TRMO: variants seen among roughly 807,000 people sequenced by gnomAD.
The protein encoded by TRMO is tRNA (adenine(37)-N6)-methyltransferase.
In TRMO, 30 loss-of-function variants were observed where a neutral mutation model predicts 37.2. That is an observed-to-expected ratio of 0.81 (90% CI 0.60 to 1.09). The LOEUF (loss-of-function observed/expected upper bound fraction) is 1.09. Among genes scored for constraint, TRMO ranks in the 50% least tolerant of loss-of-function variants. The pLI, the probability that TRMO is intolerant of heterozygous loss-of-function variation, is 0.00. For missense variants in TRMO, 552 were observed against 549.5 expected (o/e 1.00, Z -0.05); for synonymous variants, 239 against 199.4 (o/e 1.20, Z -1.67).
Position 97,904,742 on chromosome 9 carries a change from T to C in TRMO, c.1317A>G (p.Leu439=), listed in dbSNP as rs900870448. ...MTGPVGSLVS[L]GS ...ACATGAGGGAGGCTCCTTAAGACCC[T>C]AGAGACACCAAGGACCCCACAGGGC... Residue 439 remains leucine (L), a synonymous_variant, in exon 5 of 5, where the codon CTA becomes CTG. Transcript: ENST00000375119. 2 of 1,607,688 alleles carry C rather than the reference T, an allele frequency of 1.2e-6. No homozygotes were observed. Among genetic ancestry groups the C allele is most frequent in the African/African-American group, 1.3e-5 (1 of 74,808 alleles).
At chr9:97,904,012 G>A (rs937761859), downstream of TRMO, among the ~76,000 whole-genome samples, 1 of 152,108 alleles carries the variant, frequency 6.6e-6, no homozygotes, top group Non-Finnish European at 1.5e-5. Flanking sequence ...AACCTGGGAG[G>A]CAGAGATTGC....
At chr9:97,902,548 C>A (rs760950714), downstream of TRMO, among the ~76,000 whole-genome samples, 1 of 152,136 alleles carries the variant, frequency 6.6e-6, no homozygotes, top group Non-Finnish European at 1.5e-5. Flanking sequence ...ATGATCCACC[C>A]GCCTCCGCCT....
At position 97,913,535 on chromosome 9, in the gene TRMO, T is replaced by C. The variant is rs201918701; in HGVS notation, c.275A>G (p.Asn92Ser). Residue 92 changes from asparagine to serine, a missense_variant, in exon 3 of 5, where the codon AAT (asparagine) becomes AGT (serine). Physicochemically the swap from Asn to Ser is conservative, Grantham distance 46. Coordinates refer to ENST00000375119, the MANE Select transcript of TRMO (RefSeq NM_016481.5). The stretch of plus-strand genomic sequence containing the variant: ...TTTTGCCTTACAGCTCAAATGACCA[T>C]TTTTGTGAAAAACAAACAAAATCCT... ...HVWILFVFHK[N>S]GHLSCKAKVQ... is the part of the protein sequence containing the mutation. 1.4e-5 allele frequency: 23 copies of C among 1,609,542 alleles called. No homozygotes were observed. In the East Asian group the frequency reaches 4.9e-4, roughly 34 times the overall value.
At chr9:97,908,714 T>C (rs1825974943) in intron 4 of TRMO, among the ~76,000 whole-genome samples, 1 of 152,240 alleles carries the variant, frequency 6.6e-6, no homozygotes, top group Non-Finnish European at 1.5e-5. Context: ...GATTGCTTAT[T>C]ATACTTTTAA....
At chr9:97,908,589 AAAAAT>A (rs1825970191) in intron 4 of TRMO, among the ~76,000 whole-genome samples, 1 of 152,130 alleles carries the variant, frequency 6.6e-6, no homozygotes, top group Admixed American at 6.5e-5. Flanking sequence ...ACCCTGTCTC[AAAAAT>A]AAAATAAAAT....
Position 97,910,166 on chromosome 9 carries a change from T to C in TRMO, c.860A>G (p.Lys287Arg), listed in dbSNP as rs1266170224. The change falls in exon 4 of 5, where the codon AAG becomes AGG. Residue 287 changes from lysine to arginine, a missense_variant. By Grantham distance (26) the Lys-to-Arg change is conservative. Transcript: ENST00000375119. ...EKSFSEKGTDKKLERVEGAAV... is the reference protein window; with the variant it reads ...EKSFSEKGTDRKLERVEGAAV... The stretch of plus-strand genomic sequence containing the variant: ...TGCTCCTTCCACTCTTTCTAGCTTC[T>C]TGTCTGTACCTTTCTCTGAAAAGCT... The C allele has an allele frequency of 6.2e-6, 10 of 1,614,094 alleles. No homozygotes were observed. Among genetic ancestry groups the C allele is most frequent in the Admixed American group, 5.0e-5 (3 of 60,010 alleles).
the TRMO span, among the ~76,000 whole-genome samples, chr9:97,898,550 T>C: frequency 9.9e-5 from 15 of 152,102 alleles, no homozygotes; most frequent in African/African-American, 3.6e-4. Context: ...TATATACTTG[T>C]ATACCAAAAA....
At chr9:97,921,232 G>A (rs1826613864) in intron 1 of TRMO, among the ~76,000 whole-genome samples, 1 of 152,140 alleles carries the variant, frequency 6.6e-6, no homozygotes, top group East Asian at 1.9e-4. Context: ...TCAGTAACAG[G>A]AAGCTGGTTA....
Position 97,905,980 on chromosome 9 carries a change from G to C in TRMO, c.1067-988C>G, listed in dbSNP as rs561232040. Reference sequence around the variant, plus strand: ...ACCAGCCTGACCAACATGGTGAAACGCCATCTCTACTAAAAATACACACAC... The same window carrying C: ...ACCAGCCTGACCAACATGGTGAAACCCCATCTCTACTAAAAATACACACAC... On this transcript the variant is annotated intron_variant, in intron 4 of 4. Coordinates refer to ENST00000375119, the MANE Select transcript of TRMO (RefSeq NM_016481.5). Among the ~76,000 whole-genome samples, 244 of 151,932 alleles carry C rather than the reference G, an allele frequency of 1.6e-3. 2 individuals are homozygous for C. Among genetic ancestry groups the C allele is most frequent in the South Asian group, 3.3e-3 (16 of 4,822 alleles).
chr9:97,910,555 C>A lies in TRMO; in HGVS notation c.471G>T (p.Lys157Asn). ...GTGAGTCATACTCAGCTATGTAGGG[C>A]TTGATGTCTAGTACGGGTGTGCCAT... The part of the protein sequence containing the change: ...MIHGTPVLDI[K>N]PYIAEYDSPQ... Residue 157 changes from lysine to asparagine, a missense_variant, in exon 4 of 5, where the codon AAG (lysine) becomes AAT (asparagine). Transcript: ENST00000375119. 1 of 1,614,114 alleles carries A rather than the reference C, an allele frequency of 6.2e-7. No homozygotes were observed. Among genetic ancestry groups the A allele is most frequent in the Non-Finnish European group, 8.5e-7 (1 of 1,179,980 alleles).
chr9:97,899,919 A>G (rs1237916862), downstream of TRMO, among the ~76,000 whole-genome samples: 1 of 152,054 alleles, frequency 6.6e-6, no homozygotes, highest in Non-Finnish European at 1.5e-5. Flanking sequence ...AGAAAAAATA[A>G]TTAGCTGGGC....
chr9:97,902,426 G>A (rs531693438), downstream of TRMO, among the ~76,000 whole-genome samples: 19 of 152,160 alleles, frequency 1.2e-4, no homozygotes, highest in Non-Finnish European at 2.2e-4. Context: ...TTAGCCTCCC[G>A]AGTAGCTGGG....
intron 4 of TRMO, among the ~76,000 whole-genome samples, chr9:97,908,329 G>A (rs898159406): frequency 5.3e-5 from 8 of 150,140 alleles, no homozygotes; most frequent in Admixed American, 1.3e-4. Context: ...GGTGAATGGT[G>A]TGAACCCGGG....
At position 97,910,354 on chromosome 9, in the gene TRMO, G is replaced by GTCTTCAGGACATTTAGGTTTCACTA; in HGVS notation, c.671_672insTAGTGAAACCTAAATGTCCTGAAGA (p.Arg225SerfsTer4). 6.2e-7 allele frequency: 1 copy of GTCTTCAGGACATTTAGGTTTCACTA among 1,614,152 alleles called. No individual in the cohort carries two copies. Among genetic ancestry groups the GTCTTCAGGACATTTAGGTTTCACTA allele is most frequent in the Non-Finnish European group, 8.5e-7 (1 of 1,180,010 alleles). On this transcript the variant is annotated stop_gained and frameshift_variant, in exon 4 of 5. Coordinates refer to ENST00000375119, the MANE Select transcript of TRMO (RefSeq NM_016481.5). LOFTEE classifies it high-confidence loss of function. ...TCAGGTAGTTTTCTTCTGAAGTTCT[G>GTCTTCAGGACATTTAGGTTTCACTA]TCTTCAGGACATTTAGGTTTCCTCT... is the stretch of plus-strand genomic sequence containing the variant.
chr9:97,912,471 T>C (rs1375511823), intron 3 of TRMO: 1 of 158,030 alleles, frequency 6.3e-6, no homozygotes, highest in Non-Finnish European at 1.4e-5. Flanking sequence ...ATTGATAAAA[T>C]TCAAGGTGGA....
chr9:97,910,417 G>A lies in TRMO; in HGVS notation c.609C>T (p.Leu203=). The A allele has an allele frequency of 6.2e-7, 1 of 1,614,178 alleles. No individual in the cohort carries two copies. The highest frequency in any genetic ancestry group is 2.2e-5 in the East Asian group (1 of 44,874). ...SKTDSCDQRQ[L]SGCDEPQPHH... is the part of the protein sequence containing the mutation. The stretch of plus-strand genomic sequence containing the variant: ...GGGGTTGTGGCTCATCACACCCTGA[G>A]AGCTGTCGCTGGTCACAGCTGTCAG... The change falls in exon 4 of 5, where the codon CTC becomes CTT. Residue 203 remains leucine, a synonymous_variant. Transcript: ENST00000375119.
At chr9:97,905,019 G>C (rs1564103636) in intron 4 of TRMO, 27 bp from the exon 5 acceptor site, 1 of 1,607,136 alleles carries the variant, frequency 6.2e-7, no homozygotes, top group Admixed American at 1.7e-5. Context: ...ACAACTTAAT[G>C]AGCACTATCA....
rs780410911 is a variant in TRMO at position 97,922,469 on chromosome 9, G to GC, written c.24dup (p.Pro9AlafsTer12). 3.8e-6 allele frequency: 6 copies of GC among 1,586,382 alleles called. No homozygotes were observed. The Admixed American group carries it at 1.1e-4, about 29-fold the overall frequency. ...CCGCACGGGGTCGCTGTAGGCCGAG[G>GC]CCCCGACTCCTCCAAGCCGCGCATG... On this transcript the variant is annotated frameshift_variant, in exon 1 of 5. Transcript: ENST00000375119. LOFTEE classifies it high-confidence loss of function.
In TRMO at chr9:97,915,919, C is replaced by T. The variant is rs544662224; in HGVS notation, c.251+245G>A. ...AGCCAGGCATGGTGGCATACACCTG[C>T]GGTCCCAGCTACTCAGGAGGCTGAG... On this transcript the variant is annotated intron_variant, in intron 2 of 4. Coordinates refer to ENST00000375119, the MANE Select transcript of TRMO (RefSeq NM_016481.5). 599 of 315,230 alleles carry T rather than the reference C, an allele frequency of 1.9e-3. 3 individuals are homozygous for T. The highest frequency in any genetic ancestry group is 0.01 in the Middle Eastern group (12 of 1,182). The allele number at this position is 315,230 out of a possible 1,614,324, so 19.5% of individuals were successfully genotyped here.
Sources: gnomAD v4.1 joint callset for allele counts (sites outside exome capture counted in the v4.1 genomes callset) on GRCh38, gnomAD v4.1.1 for gene constraint, MANE v1.5 for transcripts, NCBI Gene and HGNC (gene_info 2026-07-23, HGNC 2026-07-21) for gene names.